Variants in GANC observed in about 807,000 individuals in gnomAD.
GANC encodes glucosidase alpha, neutral C.
Under a neutral mutation model 124.2 loss-of-function variants are expected in GANC, and 117 were observed. The ratio of observed to expected loss-of-function variants is 0.94; its 90% CI spans 0.81 to 1.10. The LOEUF is 1.10. Among genes scored for constraint, GANC ranks in the 50% least tolerant of loss-of-function variants. The pLI is 0.00. For missense variants in GANC, 1,140 were observed against 1,095.0 expected, an observed-to-expected ratio of 1.04 and a Z score of -0.58; for synonymous variants, 377 against 376.8, an observed-to-expected ratio of 1.00 and a Z score of -0.01.
chr15:42,286,495 TTTGA>T (rs1316662308), intron 3 of GANC, among the ~76,000 whole-genome samples: 1 of 152,190 alleles, frequency 6.6e-6, no homozygotes, highest in African/African-American at 2.4e-5. Flanking sequence ...ATGTTAAAAT[TTTGA>T]TTGTACGCTA....
At chr15:42,278,622 T>A in intron 3 of GANC, 32 bp downstream of exon 3, 1 of 1,472,298 alleles carries the variant, frequency 6.8e-7, no homozygotes, top group Non-Finnish European at 9.4e-7. Context: ...CAGAGAATAA[T>A]TTGTTTCTGT....
At chr15:42,333,336 A>AG (rs887048831) in intron 15 of GANC, among the ~76,000 whole-genome samples, 7 of 152,210 alleles carry the variant, frequency 4.6e-5, no homozygotes, top group African/African-American at 1.7e-4. Flanking sequence ...TCAAAAAAAA[A>AG]AAGAATTTTT....
At chr15:42,285,104 GA>G (rs1363015123) in intron 3 of GANC, among the ~76,000 whole-genome samples, 1 of 152,122 alleles carries the variant, frequency 6.6e-6, no homozygotes, top group East Asian at 1.9e-4. Flanking sequence ...TAGCAAATAG[GA>G]AAGGAATATC....
In GANC at chr15:42,353,499, A is replaced by C; in HGVS notation, c.*1360A>C. ...TTAGCATTCTCAGGGATCATACCTTAATGTTTTCAGTATGTCTGCGTTCTC... is the reference window on the plus strand; with the variant it reads ...TTAGCATTCTCAGGGATCATACCTTCATGTTTTCAGTATGTCTGCGTTCTC... On this transcript the variant is annotated 3_prime_UTR_variant, in exon 24 of 24. Transcript: ENST00000318010. The C allele has an allele frequency of 1.1e-6, 1 of 948,692 alleles. No individual in the cohort carries two copies. Among genetic ancestry groups the C allele is most frequent in the South Asian group, 4.9e-5 (1 of 20,330 alleles). 58.8% of individuals were successfully genotyped at this position (948,692 alleles called of 1,614,324 possible).
chr15:42,334,178 T>G (rs1251334140), intron 15 of GANC, among the ~76,000 whole-genome samples: 1 of 151,602 alleles, frequency 6.6e-6, no homozygotes, highest in Non-Finnish European at 1.5e-5. Context: ...TTTTTTTTTT[T>G]TGAGATGGAG....
intron 18 of GANC, 140 bp downstream of exon 18, chr15:42,340,894 C>A: frequency 1.6e-6 from 1 of 637,488 alleles, no homozygotes; most frequent in Non-Finnish European, 2.6e-6. Context: ...GCCTCCTGAG[C>A]AGCTGGGATT....
chr15:42,326,323 T>C lies in GANC; in HGVS notation c.1319T>C (p.Ile440Thr). The C allele has an allele frequency of 6.2e-7, 1 of 1,613,978 alleles. No homozygotes were observed. The stretch of plus-strand genomic sequence containing the variant: ...CTTGTGGTCATCAGTGATCCCCACA[T>C]CAAGATTGATCCTGACTACTCAGTA... ...RKLVVISDPH[I>T]KIDPDYSVYV... Residue 440 changes from isoleucine to threonine, a missense_variant, in exon 12 of 24, where the codon ATC becomes ACC. Coordinates refer to ENST00000318010, the MANE Select transcript of GANC (RefSeq NM_198141.3).
intron 15 of GANC, among the ~76,000 whole-genome samples, chr15:42,337,511 A>T (rs974493584): frequency 1.3e-5 from 2 of 152,182 alleles, no homozygotes; most frequent in Non-Finnish European, 2.9e-5. Context: ...AAATGATGAG[A>T]ACACGTGGAC....
chr15:42,282,313 CTCTG>C (rs1022966731), intron 3 of GANC, among the ~76,000 whole-genome samples: 1 of 147,238 alleles, frequency 6.8e-6, no homozygotes, highest in Non-Finnish European at 1.5e-5. Flanking sequence ...CACAGTGAGA[CTCTG>C]TCTCAAAAAA....
intron 10 of GANC, chr15:42,314,581 C>T (rs1333713416): frequency 5.7e-6 from 1 of 174,668 alleles, no homozygotes. Context: ...TATACTTATA[C>T]CTATAGAATC....
At chr15:42,340,845 C>A in intron 18 of GANC, 91 bp downstream of exon 18, 1 of 946,474 alleles carries the variant, frequency 1.1e-6, no homozygotes, top group Non-Finnish European at 1.6e-6. Context: ...CGGCTCACTG[C>A]AACCTCCGCC....
chr15:42,287,383 T>C (rs1393641935), intron 3 of GANC, among the ~76,000 whole-genome samples: 1 of 152,220 alleles, frequency 6.6e-6, no homozygotes. Flanking sequence ...CCAAGGCAAG[T>C]TTCAGTTTAT....
intron 2 of GANC, 28 bp from the exon 3 acceptor site, chr15:42,278,454 C>A: frequency 7.1e-7 from 1 of 1,412,428 alleles, no homozygotes; most frequent in South Asian, 1.2e-5. Flanking sequence ...AAATAATTAT[C>A]AAGCATCTGC....
intron 16 of GANC, among the ~76,000 whole-genome samples, chr15:42,338,726 C>A (rs992480320): frequency 6.6e-6 from 1 of 152,136 alleles, no homozygotes; most frequent in Non-Finnish European, 1.5e-5. Flanking sequence ...AGAAAGGGAG[C>A]CAGAGCCATT....
At chr15:42,293,945 G>A (rs1355919562) in intron 5 of GANC, among the ~76,000 whole-genome samples, 1 of 151,320 alleles carries the variant, frequency 6.6e-6, no homozygotes, top group East Asian at 1.9e-4. Context: ...CAGTTACTTG[G>A]GAGGCTGAGG....
At chr15:42,283,581 AT>A in intron 3 of GANC, 1 of 696,262 alleles carries the variant, frequency 1.4e-6, no homozygotes, top group Non-Finnish European at 2.6e-6. Context: ...ATAGGTGACC[AT>A]TTGGCAACAC....
chr15:42,309,162 T>G (rs777290900), intron 8 of GANC, among the ~76,000 whole-genome samples: 1 of 152,140 alleles, frequency 6.6e-6, no homozygotes, highest in Non-Finnish European at 1.5e-5. Context: ...CAGAGTCTGA[T>G]AAGATTGCCA....
intron 3 of GANC, chr15:42,281,091 A>G (rs1227226555): frequency 7.1e-6 from 5 of 702,476 alleles, no homozygotes; most frequent in Non-Finnish European, 1.3e-5. Flanking sequence ...AGCTCCCAAG[A>G]CTGAGAACTT....
chr15:42,345,731 T>C (rs756218933), intron 19 of GANC, 27 bp from the exon 20 acceptor site: 1 of 1,508,040 alleles, frequency 6.6e-7, no homozygotes, highest in Non-Finnish European at 9.2e-7. Context: ...TATGTACTCT[T>C]TTTTACTGGA....
Sources: gnomAD v4.1 joint callset for allele counts (sites outside exome capture counted in the v4.1 genomes callset) on GRCh38, gnomAD v4.1.1 for gene constraint, MANE v1.5 for transcripts, NCBI Gene and HGNC (gene_info 2026-07-23, HGNC 2026-07-21) for gene names.